Variants in FBN1 observed in about 807,000 individuals in gnomAD.
The protein encoded by FBN1 is fibrillin-1.
In FBN1, 29 loss-of-function variants were observed where a neutral mutation model predicts 365.1. That is an observed-to-expected ratio of 0.08 (90% confidence interval 0.06 to 0.11). The LOEUF is 0.11. Among genes scored for constraint, FBN1 ranks in the 10% least tolerant of loss-of-function variants. FBN1 has a pLI of 1.00. For missense variants in FBN1, 2,476 were observed against 3,703.2 expected, an observed-to-expected ratio of 0.67 and a Z score of 8.60; for synonymous variants, 1,210 against 1,270.5, an observed-to-expected ratio of 0.95 and a Z score of 1.01.
At chr15:48,548,144 G>A (rs188488662) in intron 6 of FBN1, among the ~76,000 whole-genome samples, 7 of 152,186 alleles carry the variant, frequency 4.6e-5, no homozygotes, top group Non-Finnish European at 1.0e-4. Flanking sequence ...GCAGACCCTA[G>A]AACTGAGTTT....
intron 6 of FBN1, among the ~76,000 whole-genome samples, chr15:48,551,568 T>C (rs865824672): frequency 2.6e-5 from 4 of 151,912 alleles, no homozygotes; most frequent in African/African-American, 4.8e-5. Context: ...GTTTGTTACA[T>C]AGGTAAACTT....
chr15:48,549,578 T>C (rs948517670), intron 6 of FBN1, among the ~76,000 whole-genome samples: 1 of 152,210 alleles, frequency 6.6e-6, no homozygotes, highest in Non-Finnish European at 1.5e-5. Flanking sequence ...GCTAGTTCCA[T>C]TACTTGCAAC....
chr15:48,434,492 T>C, intron 54 of FBN1, 102 bp downstream of exon 54: 3 of 1,475,288 alleles, frequency 2.0e-6, no homozygotes, highest in Non-Finnish European at 2.8e-6. Context: ...ATGATCTTTA[T>C]TATATACACC....
intron 6 of FBN1, among the ~76,000 whole-genome samples, chr15:48,591,058 C>T (rs1194670733): frequency 1.3e-5 from 2 of 152,192 alleles, no homozygotes; most frequent in Non-Finnish European, 2.9e-5. Flanking sequence ...AAACTTCTTG[C>T]TATTTGCATT....
chr15:48,532,490 G>GTATA (rs58665675), intron 8 of FBN1, among the ~76,000 whole-genome samples: 8 of 149,228 alleles, frequency 5.4e-5, no homozygotes, highest in East Asian at 4.4e-4. Flanking sequence ...GTGTGTGTGT[G>GTATA]TATATATATA....
At chr15:48,476,167 T>C (rs1341987988) in intron 32 of FBN1, among the ~76,000 whole-genome samples, 1 of 152,206 alleles carries the variant, frequency 6.6e-6, no homozygotes, top group African/African-American at 2.4e-5. Flanking sequence ...AATGTATGTC[T>C]TTCCATACCT....
chr15:48,566,686 C>T (rs376852514), intron 6 of FBN1, among the ~76,000 whole-genome samples: 21 of 152,242 alleles, frequency 1.4e-4, no homozygotes, highest in African/African-American at 5.1e-4. Flanking sequence ...AAATCATAGA[C>T]TGTGAGATCT....
At chr15:48,556,631 G>A (rs1002719416) in intron 6 of FBN1, among the ~76,000 whole-genome samples, 5 of 152,174 alleles carry the variant, frequency 3.3e-5, no homozygotes, top group Admixed American at 2.0e-4. Flanking sequence ...TATTCTTACA[G>A]CAATGGCAGC....
rs114384790 is a variant in FBN1, at chr15:48,474,428, C to T, written c.4088-51G>A. 2.1e-3 allele frequency: 3,358 copies of T among 1,612,736 alleles called. 68 individuals carry two copies. In the African/African-American group the frequency reaches 0.041, roughly 19 times the overall value. On this transcript the variant is annotated intron_variant, in intron 33 of 65. Coordinates refer to ENST00000316623, the MANE Select transcript of FBN1 (RefSeq NM_000138.5). ...TTAACAGAAAGGGTGGTATTTAAAA[C>T]CAATAATACACAAATTAAAATAACT...
At chr15:48,472,765 T>C in intron 34 of FBN1, 89 bp from the exon 35 acceptor site, 1 of 1,583,552 alleles carries the variant, frequency 6.3e-7, no homozygotes, top group Non-Finnish European at 8.7e-7. Context: ...GCAGCAATGT[T>C]TTGGCATAAC....
intron 49 of FBN1, among the ~76,000 whole-genome samples, chr15:48,442,979 C>T (rs150654874): frequency 4.0e-4 from 61 of 152,280 alleles, no homozygotes; most frequent in Non-Finnish European, 6.8e-4. Context: ...CATTATACAA[C>T]TTTATTCTCA....
rs779141064 is a variant in FBN1, at chr15:48,437,275, G to C, written c.6379+47C>G. 2.0e-6 allele frequency: 3 copies of C among 1,537,118 alleles called. No individual in the cohort carries two copies. The African/African-American group carries it at 4.1e-5, about 21-fold the overall frequency. On this transcript the variant is annotated intron_variant, in intron 52 of 65. Coordinates refer to ENST00000316623, the MANE Select transcript of FBN1 (RefSeq NM_000138.5). ...AATAAGAATAACTAGAGAAGAAGCAGATTGAGAATACTGAGAAATGCTGAG... is the reference window on the plus strand; with the variant it reads ...AATAAGAATAACTAGAGAAGAAGCACATTGAGAATACTGAGAAATGCTGAG...
chr15:48,427,509 A>G, intron 58 of FBN1, 58 bp downstream of exon 58: 1 of 1,553,360 alleles, frequency 6.4e-7, no homozygotes, highest in Non-Finnish European at 8.9e-7. Context: ...TCTGTGTTTC[A>G]CACAAAAAAC....
chr15:48,411,616 A>G (rs560981960), intron 65 of FBN1, among the ~76,000 whole-genome samples: 2 of 152,360 alleles, frequency 1.3e-5, no homozygotes, highest in South Asian at 2.1e-4. Flanking sequence ...TTGTATCTGG[A>G]GGTCTCAAAA....
In FBN1 at chr15:48,456,696, C is replaced by G. The variant is rs1303042338; in HGVS notation, c.5363G>C (p.Ser1788Thr). The change falls in exon 44 of 66, where the codon AGC becomes ACC. Residue 1788 changes from serine to threonine, a missense_variant. Transcript: ENST00000316623. The stretch of plus-strand genomic sequence containing the variant: ...TCCCACTGGACATTCACATCGGAAG[C>G]TGCCAACCATGTTGATACACACTCC... ...ENGVCINMVG[S>T]FRCECPVGFF... is the part of the protein sequence containing the mutation. 6.2e-7 allele frequency: 1 copy of G among 1,613,972 alleles called. No individual in the cohort carries two copies. Among genetic ancestry groups the G allele is most frequent in the Non-Finnish European group, 8.5e-7 (1 of 1,179,880 alleles).
chr15:48,600,547 T>G (rs1161012751), intron 4 of FBN1, among the ~76,000 whole-genome samples: 1 of 151,988 alleles, frequency 6.6e-6, no homozygotes, highest in East Asian at 1.9e-4. Flanking sequence ...CTACTAAAAA[T>G]ACAAAAATTA....
chr15:48,632,565 T>G (rs1214787159), intron 2 of FBN1, among the ~76,000 whole-genome samples: 1 of 152,226 alleles, frequency 6.6e-6, no homozygotes, highest in East Asian at 1.9e-4. Flanking sequence ...GAGCCAGGGT[T>G]TGACCCAAAG....
chr15:48,460,095 A>C (rs1233155810), intron 43 of FBN1, 151 bp downstream of exon 43: 2 of 689,076 alleles, frequency 2.9e-6, no homozygotes, highest in African/African-American at 3.6e-5. Context: ...GTGTTTGCAC[A>C]GTTTGTTTCA....
chr15:48,560,244 T>C (rs79570012), intron 6 of FBN1, among the ~76,000 whole-genome samples: 1 of 152,158 alleles, frequency 6.6e-6, no homozygotes, highest in African/African-American at 2.4e-5. Flanking sequence ...CTAACTTTCC[T>C]GTAGGAGATA....
Sources: allele counts gnomAD v4.1 joint callset (sites outside exome capture counted in the v4.1 genomes callset), GRCh38; gene constraint gnomAD v4.1.1; transcripts MANE v1.5; gene names NCBI Gene and HGNC (gene_info 2026-07-23, HGNC 2026-07-21).